DTNA: variants seen among roughly 807,000 people sequenced by gnomAD.
DTNA encodes dystrophin-related protein 3.
In DTNA, 43 loss-of-function variants were observed where a neutral mutation model predicts 100.7. That is an observed-to-expected ratio of 0.43 (90% CI 0.33 to 0.55). DTNA has a LOEUF of 0.55. Among genes scored for constraint, DTNA ranks in the 20% least tolerant of loss-of-function variants. DTNA has a pLI of 0.04. For synonymous variants in DTNA, 349 were observed against 347.9 expected (o/e 1.00, Z -0.04); for missense variants, 798 against 953.9 (o/e 0.84, Z 2.15).
chr18:34,849,591 C>A (rs2149894613), intron 14 of DTNA, among the ~76,000 whole-genome samples: 1 of 152,312 alleles, frequency 6.6e-6, no homozygotes, highest in East Asian at 1.9e-4. Context: ...CATAAACCAG[C>A]AATTACAAAA....
chr18:34,650,907 A>G (rs751947645), intron 1 of DTNA, among the ~76,000 whole-genome samples: 28 of 152,202 alleles, frequency 1.8e-4, no homozygotes, highest in Non-Finnish European at 4.1e-4. Context: ...AATCATTTGA[A>G]TGTTTAAAAA....
chr18:34,824,628 A>G (rs968048643), intron 9 of DTNA, among the ~76,000 whole-genome samples: 3 of 152,336 alleles, frequency 2.0e-5, no homozygotes, highest in Middle Eastern at 3.4e-3. Context: ...GAGCAGCAAA[A>G]GCATTATAAG....
At chr18:34,609,101 A>T (rs1378767330) in intron 1 of DTNA, among the ~76,000 whole-genome samples, 1 of 152,218 alleles carries the variant, frequency 6.6e-6, no homozygotes, top group Admixed American at 6.5e-5. Flanking sequence ...TATCTTCAGA[A>T]TAAGGAGCTA....
intron 1 of DTNA, among the ~76,000 whole-genome samples, chr18:34,733,865 A>G (rs1478353447): frequency 6.6e-6 from 1 of 152,192 alleles, no homozygotes; most frequent in Non-Finnish European, 1.5e-5. Flanking sequence ...CTAACCAAGC[A>G]AATAAACTAT....
At chr18:34,655,242 G>T (rs955524579) in intron 1 of DTNA, among the ~76,000 whole-genome samples, 2 of 152,096 alleles carry the variant, frequency 1.3e-5, no homozygotes, top group African/African-American at 4.8e-5. Flanking sequence ...CTCTGAATCG[G>T]TTATTGGACA....
At chr18:34,874,634 G>T (rs1250430864) in intron 17 of DTNA, among the ~76,000 whole-genome samples, 1 of 151,420 alleles carries the variant, frequency 6.6e-6, no homozygotes, top group Non-Finnish European at 1.5e-5. Context: ...AGAAAACAAG[G>T]TTTCTTCTTC....
At chr18:34,838,388 G>T (rs996244869) in intron 12 of DTNA, among the ~76,000 whole-genome samples, 8 of 152,076 alleles carry the variant, frequency 5.3e-5, no homozygotes, top group African/African-American at 1.9e-4. Flanking sequence ...TTTTTGAAAT[G>T]ACTAAGCTGA....
intron 1 of DTNA, among the ~76,000 whole-genome samples, chr18:34,643,778 AT>A (rs1370902807): frequency 1.3e-5 from 2 of 152,198 alleles, no homozygotes; most frequent in African/African-American, 4.8e-5. Context: ...CCAACATGAA[AT>A]CTTAATAAAA....
intron 1 of DTNA, among the ~76,000 whole-genome samples, chr18:34,628,201 G>A (rs2057594690): frequency 6.6e-6 from 1 of 152,262 alleles, no homozygotes; most frequent in African/African-American, 2.4e-5. Context: ...CTTTCATGAA[G>A]ACCACTTAAA....
intron 19 of DTNA, among the ~76,000 whole-genome samples, chr18:34,878,460 A>AG (rs1268279298): frequency 6.6e-6 from 1 of 152,104 alleles, no homozygotes; most frequent in African/African-American, 2.4e-5. Context: ...GTTATTTTAT[A>AG]GGGTCAAGTG....
intron 1 of DTNA, among the ~76,000 whole-genome samples, chr18:34,613,853 T>C (rs1340963056): frequency 6.6e-6 from 1 of 152,248 alleles, no homozygotes; most frequent in African/African-American, 2.4e-5. Flanking sequence ...CCATAAGATC[T>C]AGCTAAGAAG....
chr18:34,557,685 G>C lies in DTNA; in HGVS notation c.-2+64171G>C, dbSNP rs557976079. 3.9e-3 allele frequency among the ~76,000 whole-genome samples: 594 copies of C among 151,746 alleles called. 10 individuals are homozygous for C. Among genetic ancestry groups the C allele is most frequent in the Admixed American group, 8.1e-3 (123 of 15,230 alleles). On this transcript the variant is annotated intron_variant, in intron 1 of 19. Transcript: ENST00000283365. ...TGCCTCCCAGTTAGGCTGCTCGGGG[G>C]TCAGGGGTCAGGGACCCACTTGAGG...
At chr18:34,582,542 G>A (rs995232785) in intron 1 of DTNA, among the ~76,000 whole-genome samples, 28 of 152,146 alleles carry the variant, frequency 1.8e-4, no homozygotes, top group African/African-American at 6.8e-4. Context: ...CAACCCCCTT[G>A]ACTGTGTCTT....
intron 15 of DTNA, among the ~76,000 whole-genome samples, chr18:34,856,872 A>G (rs528124837): frequency 6.6e-6 from 1 of 152,298 alleles, no homozygotes; most frequent in South Asian, 2.1e-4. Flanking sequence ...CCTTGGACCA[A>G]ATGGCTCTGT....
intron 1 of DTNA, among the ~76,000 whole-genome samples, chr18:34,566,359 A>G (rs1342926488): frequency 6.6e-6 from 1 of 152,192 alleles, no homozygotes; most frequent in East Asian, 1.9e-4. Flanking sequence ...GAACTTTGAT[A>G]TACACAGTTT....
At chr18:34,843,760 C>T (rs112658880) in intron 13 of DTNA, among the ~76,000 whole-genome samples, 1,695 of 152,158 alleles carry the variant, frequency 0.011, 37 homozygotes, top group African/African-American at 0.038. Flanking sequence ...CAATTGAATC[C>T]ATAACCCACT....
At chr18:34,884,698 T>C in intron 21 of DTNA, 30 bp from the exon 22 acceptor site, 1 of 1,614,020 alleles carries the variant, frequency 6.2e-7, no homozygotes, top group Non-Finnish European at 8.5e-7. Flanking sequence ...ACGTGTCACC[T>C]TTCTCGTTTG....
At chr18:34,499,565 G>T (rs1010564861) in intron 1 of DTNA, among the ~76,000 whole-genome samples, 29 of 152,160 alleles carry the variant, frequency 1.9e-4, no homozygotes, top group Admixed American at 1.4e-3. Flanking sequence ...CAGAGTGGAT[G>T]TGCCATTTTA....
At chr18:34,653,736 C>A (rs1465354361) in intron 1 of DTNA, among the ~76,000 whole-genome samples, 3 of 152,068 alleles carry the variant, frequency 2.0e-5, no homozygotes, top group Admixed American at 1.3e-4. Flanking sequence ...GCATGAGAAT[C>A]GCTTGAACCC....
Sources: allele counts gnomAD v4.1 joint callset (sites outside exome capture counted in the v4.1 genomes callset), GRCh38; gene constraint gnomAD v4.1.1; transcripts MANE v1.5; gene names NCBI Gene and HGNC (gene_info 2026-07-23, HGNC 2026-07-21).